PRKN: variants seen among roughly 807,000 people sequenced by gnomAD.
The protein encoded by PRKN is E3 ubiquitin-protein ligase parkin.
PRKN carries 56 observed loss-of-function variants against 59.5 expected under a neutral mutation model. The observed-to-expected ratio is 0.94, with a 90% confidence interval of 0.76 to 1.18. The LOEUF is 1.18. Among genes scored for constraint, PRKN ranks in the 50% most tolerant of loss-of-function variants. The pLI, the probability that PRKN is intolerant of heterozygous loss-of-function variation, is 0.00. For synonymous variants in PRKN, 250 were observed against 222.1 expected, an observed-to-expected ratio of 1.13 and a Z score of -1.12; for missense variants, 657 against 596.4, an observed-to-expected ratio of 1.10 and a Z score of -1.06.
intron 5 of PRKN, among the ~76,000 whole-genome samples, chr6:161,988,217 T>A (rs1781507130): frequency 6.6e-6 from 1 of 152,122 alleles, no homozygotes; most frequent in Admixed American, 6.5e-5. Flanking sequence ...TCTTCAGGGC[T>A]GGGCATGGTG....
intron 6 of PRKN, among the ~76,000 whole-genome samples, chr6:161,910,955 C>T (rs1237767966): frequency 1.3e-5 from 2 of 152,180 alleles, no homozygotes; most frequent in African/African-American, 4.8e-5. Context: ...GGTAATAACA[C>T]TTAATAGACT....
chr6:162,228,690 C>T (rs1052800528), intron 3 of PRKN, among the ~76,000 whole-genome samples: 1 of 152,140 alleles, frequency 6.6e-6, no homozygotes, highest in Admixed American at 6.6e-5. Context: ...TAAAAATCTT[C>T]ACTTTAATGA....
At chr6:162,327,873 T>C (rs1166039972) in intron 2 of PRKN, among the ~76,000 whole-genome samples, 1 of 152,070 alleles carries the variant, frequency 6.6e-6, no homozygotes, top group Non-Finnish European at 1.5e-5. Context: ...CGAAGAAGCA[T>C]AATGGAGCTC....
intron 7 of PRKN, among the ~76,000 whole-genome samples, chr6:161,691,040 T>TTCCATCCA (rs111800155): frequency 0.55 from 79,199 of 145,148 alleles, 22,075 homozygotes; most frequent in East Asian, 0.59. Flanking sequence ...CTCCTTTCCT[T>TTCCATCCA]TCCATCCATC....
chr6:162,241,937 C>A lies in PRKN; in HGVS notation c.412+20588G>T, dbSNP rs565252177. On this transcript the variant is annotated intron_variant, in intron 3 of 11. Coordinates refer to ENST00000366898, the MANE Select transcript of PRKN (RefSeq NM_004562.3). ...GAAGCTGAATTTCCTGGCTTCCCCCCACCCCCAACAAGCACCTATATAATT... is the reference window on the plus strand; with the variant it reads ...GAAGCTGAATTTCCTGGCTTCCCCCAACCCCCAACAAGCACCTATATAATT... 1.6e-4 allele frequency among the ~76,000 whole-genome samples: 25 copies of A among 152,022 alleles called. 2 individuals carry two copies. Among genetic ancestry groups the A allele is most frequent in the Middle Eastern group, 3.4e-3 (1 of 294 alleles).
chr6:162,132,682 C>G (rs1197257330), intron 4 of PRKN, among the ~76,000 whole-genome samples: 1 of 152,004 alleles, frequency 6.6e-6, no homozygotes, highest in Non-Finnish European at 1.5e-5. Context: ...GAGGCAGGGT[C>G]TGGTGTCAGG....
rs143018544 is a variant in PRKN, at chr6:162,461,371, A to T, written c.8-17898T>A. Among the ~76,000 whole-genome samples the T allele has an allele frequency of 5.7e-3, 858 of 150,788 alleles. 8 individuals carry two copies. The highest frequency in any genetic ancestry group is 0.02 in the African/African-American group (824 of 41,020). On this transcript the variant is annotated intron_variant, in intron 1 of 11. Coordinates refer to ENST00000366898, the MANE Select transcript of PRKN (RefSeq NM_004562.3). ...ACAATAATTAGCTGGACGTGGTGGC[A>T]CACACCTGTAATACCAGCTACTCAG...
rs1249315936 is a variant in PRKN, at chr6:161,400,026, C to T, written c.1084-13149G>A. Among the ~76,000 whole-genome samples, 2 of 152,098 alleles carry T rather than the reference C, an allele frequency of 1.3e-5. No individual in the cohort carries two copies. The highest frequency in any genetic ancestry group is 1.5e-5 in the Non-Finnish European group (1 of 68,030). On this transcript the variant is annotated intron_variant, in intron 9 of 11. Transcript: ENST00000366898. This position sits in a 1 kb window ranked among gnomAD's most constrained non-coding sequence, Gnocchi z 4.2. ...TTTTGGAATCGGGTCTGCTTTTACT[C>T]TTTCAATGCATCTCAGTTGGGACTA...
At chr6:162,298,355 CCCTAAAGA>C (rs143181987) in intron 2 of PRKN, among the ~76,000 whole-genome samples, 3,927 of 152,168 alleles carry the variant, frequency 0.026, 68 homozygotes, top group East Asian at 0.073. Context: ...TTCCTCTTGT[CCCTAAAGA>C]CCTAACAATA....
In PRKN at chr6:162,727,700, G is replaced by T. The variant is rs1197381958; in HGVS notation, c.-32C>A. On this transcript the variant is annotated 5_prime_UTR_variant, in exon 1 of 12. Transcript: ENST00000366898. ...TGGGTAGGTGGCGGCTGCGGGCCAG[G>T]AACAGGCCCATGCGCGCAGCGGCGC... 3 of 1,564,928 alleles carry T rather than the reference G, an allele frequency of 1.9e-6. No individual in the cohort carries two copies. The highest frequency in any genetic ancestry group is 1.9e-5 in the Admixed American group (1 of 53,062).
At position 161,398,483 on chromosome 6, in the gene PRKN, G is replaced by A. The variant is rs530184393; in HGVS notation, c.1084-11606C>T. On this transcript the variant is annotated intron_variant, in intron 9 of 11. Coordinates refer to ENST00000366898, the MANE Select transcript of PRKN (RefSeq NM_004562.3). ...AATCTTTCATTTTACCAGGATCCCCGAGTGACTTGTATGCACCATTTAGAG... is the reference window on the plus strand; with the variant it reads ...AATCTTTCATTTTACCAGGATCCCCAAGTGACTTGTATGCACCATTTAGAG... Among the ~76,000 whole-genome samples the A allele has an allele frequency of 5.9e-4, 90 of 152,146 alleles. 1 individual carries two copies. Among genetic ancestry groups the A allele is most frequent in the Middle Eastern group, 3.4e-3 (1 of 294 alleles).
intron 9 of PRKN, among the ~76,000 whole-genome samples, chr6:161,524,810 C>T (rs1778959303): frequency 6.6e-6 from 1 of 152,124 alleles, no homozygotes; most frequent in East Asian, 1.9e-4. Flanking sequence ...CACCTCTTAT[C>T]AGTGCACAAC....
intron 3 of PRKN, among the ~76,000 whole-genome samples, chr6:162,243,916 A>G (rs572180384): frequency 2.0e-5 from 3 of 152,236 alleles, no homozygotes; most frequent in South Asian, 2.1e-4. Context: ...CAATCTATCA[A>G]TAATTTGCAG....
At chr6:162,137,412 G>A (rs1781597389) in intron 4 of PRKN, among the ~76,000 whole-genome samples, 2 of 152,174 alleles carry the variant, frequency 1.3e-5, no homozygotes, top group African/African-American at 4.8e-5. Flanking sequence ...AAAACTACCT[G>A]AGACACCTAG....
intron 7 of PRKN, among the ~76,000 whole-genome samples, chr6:161,713,767 C>G (rs1786851053): frequency 6.6e-6 from 1 of 152,122 alleles, no homozygotes; most frequent in African/African-American, 2.4e-5. Context: ...TGTCCCCACC[C>G]AAATCTCATC....
At chr6:161,643,522 A>T (rs1050300834) in intron 7 of PRKN, among the ~76,000 whole-genome samples, 1 of 152,250 alleles carries the variant, frequency 6.6e-6, no homozygotes, top group African/African-American at 2.4e-5. Context: ...CTAAATGGAC[A>T]TCTTTAACCA....
At chr6:161,926,848 TACA>T (rs10555011) in intron 6 of PRKN, among the ~76,000 whole-genome samples, 6,499 of 152,184 alleles carry the variant, frequency 0.043, 439 homozygotes, top group African/African-American at 0.15. Flanking sequence ...TCTGAAGTGG[TACA>T]ACAAGGGCAA....
At chr6:162,278,899 G>A (rs1312861084) in intron 2 of PRKN, among the ~76,000 whole-genome samples, 4 of 152,148 alleles carry the variant, frequency 2.6e-5, no homozygotes, top group Admixed American at 1.3e-4. Context: ...ATGTGGCAAA[G>A]TGTTAACAGT....
chr6:162,021,141 T>TACAAAA (rs1562465421), intron 5 of PRKN, among the ~76,000 whole-genome samples: 1 of 5,710 alleles, frequency 1.8e-4, no homozygotes, highest in Non-Finnish European at 3.0e-4. Flanking sequence ...TATATATATA[T>TACAAAA]ATATATATAT....
Sources: allele counts gnomAD v4.1 joint callset (sites outside exome capture counted in the v4.1 genomes callset), GRCh38; gene constraint gnomAD v4.1.1; non-coding constraint Gnocchi (gnomAD v3.1); transcripts MANE v1.5; gene names NCBI Gene and HGNC (gene_info 2026-07-23, HGNC 2026-07-21).